Variants in KIRREL3 observed in about 807,000 individuals in gnomAD.
KIRREL3 encodes kirre like nephrin family adhesion molecule 3, also known as kin of IRRE-like protein 3.
A neutral mutation model predicts 89.7 loss-of-function variants in KIRREL3; 36 were observed. That is an observed-to-expected ratio of 0.40 (90% CI 0.31 to 0.53). The LOEUF is 0.53. Ranked by LOEUF, KIRREL3 falls within the 20% of genes least tolerant of loss-of-function variation. KIRREL3 has a pLI of 0.49. For synonymous variants in KIRREL3, 445 were observed against 441.4 expected, an observed-to-expected ratio of 1.01 and a Z score of -0.10; for missense variants, 864 against 1,056.6, an observed-to-expected ratio of 0.82 and a Z score of 2.53.
intron 1 of KIRREL3, among the ~76,000 whole-genome samples, chr11:126,634,051 T>G (rs1336168205): frequency 6.6e-6 from 1 of 152,012 alleles, no homozygotes; most frequent in East Asian, 1.9e-4. Flanking sequence ...GCTCTGGGGG[T>G]CAGGTGTGGT....
In KIRREL3 at chr11:126,610,743, T is replaced by G. The variant is rs1179789004; in HGVS notation, c.56-47831A>C. 3 of 152,212 alleles carry G rather than the reference T, an allele frequency of 2.0e-5. No homozygotes were observed. The East Asian group carries it at 5.8e-4, about 29-fold the overall frequency. 9.4% of individuals were successfully genotyped at this position (152,212 alleles called of 1,614,324 possible). ...TTCCCTGGGATCTCTTGGAGGGCTC[T>G]CCATCTCTCTTAGAGCAGTTTCTTT... On this transcript the variant is annotated intron_variant, in intron 1 of 16. Coordinates refer to ENST00000525144, the MANE Select transcript of KIRREL3 (RefSeq NM_032531.4). The surrounding 1 kb of genome is among the most constrained non-coding windows in gnomAD (Gnocchi z 4.6).
chr11:126,841,436 C>T (rs1943958598), intron 1 of KIRREL3, among the ~76,000 whole-genome samples: 1 of 152,160 alleles, frequency 6.6e-6, no homozygotes, highest in Non-Finnish European at 1.5e-5. Context: ...ATGTAGAAGG[C>T]GTTCAAAAAT....
chr11:126,689,060 G>C lies in KIRREL3; in HGVS notation c.56-126148C>G, dbSNP rs1229529148. Among the ~76,000 whole-genome samples, 1 of 151,554 alleles carries C rather than the reference G, an allele frequency of 6.6e-6. No homozygotes were observed. On this transcript the variant is annotated intron_variant, in intron 1 of 16. Transcript: ENST00000525144. The surrounding 1 kb of genome is among the most constrained non-coding windows in gnomAD (Gnocchi z 5.2). ...GGGAGAGAAGAGAGAGAGAGAGAGA[G>C]AGAGAGAGAGAGAGAGAGAGAGTAT...
rs1939832362 is a variant in KIRREL3 at position 126,558,043 on chromosome 11, C to A, written c.133+4792G>T. On this transcript the variant is annotated intron_variant, in intron 2 of 16. Transcript: ENST00000525144. The surrounding 1 kb of genome is among the most constrained non-coding windows in gnomAD (Gnocchi z 4.0). The stretch of plus-strand genomic sequence containing the variant: ...TCCCTTGGTCTCTTGAAGCAGACAT[C>A]ATTGCAATGCTGAAAGTCCACGGAA... Among the ~76,000 whole-genome samples, 1 of 152,208 alleles carries A rather than the reference C, an allele frequency of 6.6e-6. No individual in the cohort carries two copies. Among genetic ancestry groups the A allele is most frequent in the South Asian group, 2.1e-4 (1 of 4,834 alleles).
At chr11:126,552,549 A>ATTTTTTTTTT (rs1565544795) in intron 2 of KIRREL3, among the ~76,000 whole-genome samples, 1 of 67,924 alleles carries the variant, frequency 1.5e-5, no homozygotes, top group African/African-American at 5.9e-5. Flanking sequence ...GAGAGAGAAA[A>ATTTTTTTTTT]GTTTTTTTTT....
rs1043089664 is a variant in KIRREL3 at position 126,432,618 on chromosome 11, G to A, written c.1589-1092C>T. 2.6e-5 allele frequency among the ~76,000 whole-genome samples: 4 copies of A among 151,820 alleles called. No homozygotes were observed. Among genetic ancestry groups the A allele is most frequent in the South Asian group, 2.1e-4 (1 of 4,792 alleles). On this transcript the variant is annotated intron_variant, in intron 13 of 16. Transcript: ENST00000525144. The surrounding 1 kb of genome is among the most constrained non-coding windows in gnomAD (Gnocchi z 6.2). ...CCCCGTCCAGCTCCACCCACAGAGT[G>A]ACATGTGAGATCCCCCACATCTCAT...
intron 4 of KIRREL3, among the ~76,000 whole-genome samples, chr11:126,510,558 A>G (rs563368485): frequency 6.5e-4 from 99 of 151,594 alleles, no homozygotes; most frequent in Middle Eastern, 6.8e-3. Flanking sequence ...CAGCCTCTCA[A>G]AGTGCTGGGA....
At chr11:126,743,397 AG>A (rs1233917541) in intron 1 of KIRREL3, among the ~76,000 whole-genome samples, 1 of 152,202 alleles carries the variant, frequency 6.6e-6, no homozygotes, top group Non-Finnish European at 1.5e-5. Context: ...ATTCTGATTT[AG>A]GAGGTTTGAC....
At position 126,683,730 on chromosome 11, in the gene KIRREL3, G is replaced by C. The variant is rs1946558354; in HGVS notation, c.56-120818C>G. Among the ~76,000 whole-genome samples the C allele has an allele frequency of 6.6e-6, 1 of 152,202 alleles. No homozygotes were observed. The highest frequency in any genetic ancestry group is 1.5e-5 in the Non-Finnish European group (1 of 68,040). On this transcript the variant is annotated intron_variant, in intron 1 of 16. Transcript: ENST00000525144. This position sits in a 1 kb window ranked among gnomAD's most constrained non-coding sequence, Gnocchi z 5.2. ...TCAGTGTGCTGATATCACCCCTTTT[G>C]TCTATGAGGAGTGAATGTCTCCAAT...
rs1486849622 is a variant in KIRREL3 at position 126,904,083 on chromosome 11, G to A, written c.55+96372C>T. 6.6e-6 allele frequency among the ~76,000 whole-genome samples: 1 copy of A among 152,136 alleles called. No individual in the cohort carries two copies. The highest frequency in any genetic ancestry group is 2.4e-5 in the African/African-American group (1 of 41,430). Reference sequence around the variant, plus strand: ...GGAGGCCAGATTACAAGACCCTGAAGGTCCTTTCCAACTCTAAATTGCTAT... The same window carrying A: ...GGAGGCCAGATTACAAGACCCTGAAAGTCCTTTCCAACTCTAAATTGCTAT... On this transcript the variant is annotated intron_variant, in intron 1 of 16. Transcript: ENST00000525144. The surrounding 1 kb of genome is among the most constrained non-coding windows in gnomAD (Gnocchi z 4.4).
rs1250049248 is a variant in KIRREL3 at position 126,780,385 on chromosome 11, G to A, written c.56-217473C>T. Among the ~76,000 whole-genome samples the A allele has an allele frequency of 1.3e-5, 2 of 152,174 alleles. No individual in the cohort carries two copies. The highest frequency in any genetic ancestry group is 4.8e-5 in the African/African-American group (2 of 41,438). ...TAAATAAAAACCAGCTATTCGTGGG[G>A]AAGCCTGACAGGGTTTCTTTTAACT... On this transcript the variant is annotated intron_variant, in intron 1 of 16. Transcript: ENST00000525144. This position sits in a 1 kb window ranked among gnomAD's most constrained non-coding sequence, Gnocchi z 5.3.
chr11:126,626,982 A>G (rs1489697599), intron 1 of KIRREL3, among the ~76,000 whole-genome samples: 2 of 151,046 alleles, frequency 1.3e-5, no homozygotes, highest in African/African-American at 4.9e-5. Flanking sequence ...CCTGGGCCAC[A>G]AGAGTGAAAC....
chr11:126,674,946 C>T (rs1226151809), intron 1 of KIRREL3, among the ~76,000 whole-genome samples: 1 of 152,136 alleles, frequency 6.6e-6, no homozygotes, highest in African/African-American at 2.4e-5. Flanking sequence ...TGTGGTGCAC[C>T]TCGTGTTAAC....
chr11:126,681,626 A>ACACACACACACC (rs751501249), intron 1 of KIRREL3, among the ~76,000 whole-genome samples: 2 of 151,906 alleles, frequency 1.3e-5, no homozygotes, highest in African/African-American at 4.8e-5. Flanking sequence ...ACACACACAC[A>ACACACACACACC]CCAGATCAAG....
In KIRREL3 at chr11:126,761,723, C is replaced by A. The variant is rs1163813581; in HGVS notation, c.56-198811G>T. 1.3e-5 allele frequency among the ~76,000 whole-genome samples: 2 copies of A among 151,120 alleles called. No homozygotes were observed. Among genetic ancestry groups the A allele is most frequent in the East Asian group, 4.0e-4 (2 of 5,030 alleles). On this transcript the variant is annotated intron_variant, in intron 1 of 16. Transcript: ENST00000525144. The surrounding 1 kb of genome is among the most constrained non-coding windows in gnomAD (Gnocchi z 4.4). Reference sequence around the variant, plus strand: ...GATCTTATGAAGTAGACCAGTGGGCCCCACTCAGCCCCTGGGGGCTAGAGA... The same window carrying A: ...GATCTTATGAAGTAGACCAGTGGGCACCACTCAGCCCCTGGGGGCTAGAGA...
Position 126,463,292 on chromosome 11 carries a change from C to T in KIRREL3, c.607G>A (p.Gly203Ser), listed in dbSNP as rs779074768. 21 of 1,613,242 alleles carry T rather than the reference C, an allele frequency of 1.3e-5. No individual in the cohort carries two copies. The highest frequency in any genetic ancestry group is 4.5e-5 in the East Asian group (2 of 44,862). ...ATYSKTLLRD[G>S]KRESIVSTLF... ...GTGCTGACGATGCTCTCCCGCTTGCCGTCCCGAAGCAGGGTCTTGGGAGAA... is the reference window on the plus strand; with the variant it reads ...GTGCTGACGATGCTCTCCCGCTTGCTGTCCCGAAGCAGGGTCTTGGGAGAA... The change falls in exon 6 of 17, where the codon GGC (glycine) becomes AGC (serine). Residue 203 changes from glycine (G) to serine (S), a missense_variant. By Grantham distance (56) the Gly-to-Ser change is moderately conservative. Coordinates refer to ENST00000525144, the MANE Select transcript of KIRREL3 (RefSeq NM_032531.4). This position sits in a 1 kb window ranked among gnomAD's most constrained non-coding sequence, Gnocchi z 5.9.
At chr11:126,836,630 A>G (rs774372247) in intron 1 of KIRREL3, among the ~76,000 whole-genome samples, 24 of 152,372 alleles carry the variant, frequency 1.6e-4, no homozygotes, top group Non-Finnish European at 1.0e-4. Context: ...TCTGTTGTGC[A>G]TATGACTTGT....
intron 7 of KIRREL3, among the ~76,000 whole-genome samples, chr11:126,450,939 G>A (rs1332541332): frequency 6.6e-6 from 1 of 151,108 alleles, no homozygotes; most frequent in African/African-American, 2.4e-5. Context: ...GCATGTGTGT[G>A]GGCGTGTGTG....
chr11:126,935,659 G>C (rs919969281), intron 1 of KIRREL3: 3 of 152,204 alleles, frequency 2.0e-5, no homozygotes, highest in African/African-American at 7.2e-5. Flanking sequence ...ATTCCAACTA[G>C]ATGATATTCT....
Sources: gnomAD v4.1 joint callset for allele counts (sites outside exome capture counted in the v4.1 genomes callset) on GRCh38, gnomAD v4.1.1 for gene constraint, Gnocchi (gnomAD v3.1) non-coding constraint, MANE v1.5 for transcripts, NCBI Gene and HGNC (gene_info 2026-07-23, HGNC 2026-07-21) for gene names.